Variants in ST14 observed in about 807,000 individuals in gnomAD.
ST14 encodes the protein ST14 transmembrane serine protease matriptase.
In ST14, 40 loss-of-function variants were observed where a neutral mutation model predicts 96.5. The ratio of observed to expected loss-of-function variants is 0.41; its 90% CI spans 0.32 to 0.54. The LOEUF is 0.54. Among genes scored for constraint, ST14 ranks in the 20% least tolerant of loss-of-function variants. ST14 has a pLI of 0.17. For missense variants in ST14, 1,066 were observed against 1,188.9 expected, an observed-to-expected ratio of 0.90 and a Z score of 1.52; for synonymous variants, 506 against 492.1, an observed-to-expected ratio of 1.03 and a Z score of -0.37.
chr11:130,203,778 G>A (rs936769467), intron 16 of ST14, among the ~76,000 whole-genome samples: 8 of 152,158 alleles, frequency 5.3e-5, no homozygotes, highest in East Asian at 1.9e-4. Context: ...TCACCCTCCC[G>A]AGTAGCTGGA....
intron 16 of ST14, among the ~76,000 whole-genome samples, chr11:130,203,967 T>G (rs1302204706): frequency 6.6e-6 from 1 of 152,212 alleles, no homozygotes. Context: ...CTTTGTTCTC[T>G]TTAAACATGC....
intron 1 of ST14, among the ~76,000 whole-genome samples, chr11:130,163,206 C>T (rs552920853): frequency 1.1e-4 from 16 of 152,102 alleles, no homozygotes; most frequent in African/African-American, 3.9e-4. Context: ...GCCATCCTGC[C>T]CTGCCAAACA....
At chr11:130,170,862 T>G (rs1031907845) in intron 1 of ST14, among the ~76,000 whole-genome samples, 48 of 152,262 alleles carry the variant, frequency 3.2e-4, no homozygotes, top group African/African-American at 1.1e-3. Context: ...TCCTTTTTTT[T>G]TTGTTTTTGA....
rs114674519 is a variant in ST14 at position 130,180,988 on chromosome 11, C to A, written c.82-7126C>A. On this transcript the variant is annotated intron_variant, in intron 1 of 18. Transcript: ENST00000278742. Reference sequence around the variant, plus strand: ...TCTGGATCTGACCCTTCGCTCCCTGCAGAAAGTTGGGTGAGATGGCAATGG... The same window carrying A: ...TCTGGATCTGACCCTTCGCTCCCTGAAGAAAGTTGGGTGAGATGGCAATGG... 4.8e-3 allele frequency among the ~76,000 whole-genome samples: 738 copies of A among 152,302 alleles called. 8 individuals are homozygous for A. The highest frequency in any genetic ancestry group is 0.02 in the Middle Eastern group (6 of 294).
At chr11:130,193,085 G>A (rs189605363) in intron 7 of ST14, among the ~76,000 whole-genome samples, 13 of 149,122 alleles carry the variant, frequency 8.7e-5, no homozygotes, top group Admixed American at 6.2e-4. Context: ...TAAAAGCACC[G>A]AGAACCATGC....
At chr11:130,171,902 A>T (rs1244331444) in intron 1 of ST14, among the ~76,000 whole-genome samples, 2 of 152,200 alleles carry the variant, frequency 1.3e-5, no homozygotes, top group African/African-American at 4.8e-5. Context: ...TTAATGAACC[A>T]GTCCAGGGAG....
rs5852 is a variant in ST14, at chr11:130,210,170, G to A, written c.*347G>A. The A allele has an allele frequency of 0.53, 125,521 of 238,114 alleles. 34,879 individuals carry two copies. The highest frequency in any genetic ancestry group is 0.67 in the South Asian group (9,697 of 14,482). The allele number at this position is 238,114 out of a possible 1,614,324, so 14.8% of individuals were successfully genotyped here. On this transcript the variant is annotated 3_prime_UTR_variant, in exon 19 of 19. Transcript: ENST00000278742. The stretch of plus-strand genomic sequence containing the variant: ...AGGAGCAGCGGGAACGGAGCTTCGG[G>A]GCCTCCTCAGTGAAGGTGGTGGGGC...
rs1291311383 is a variant in ST14, at chr11:130,178,928, A to G, written c.82-9186A>G. ...GGAGTGTGTATTTCTGGGAAAAGTG[A>G]TAGCCTCAGGGACTTCTGGGATGAT... is the stretch of plus-strand genomic sequence containing the variant. On this transcript the variant is annotated intron_variant, in intron 1 of 18. Transcript: ENST00000278742. 2.0e-5 allele frequency among the ~76,000 whole-genome samples: 3 copies of G among 152,270 alleles called. No individual in the cohort carries two copies. The East Asian group carries it at 5.8e-4, about 29-fold the overall frequency.
rs369961893 is a variant in ST14 at position 130,194,578 on chromosome 11, C to T, written c.1016-62C>T. The T allele has an allele frequency of 1.6e-5, 25 of 1,555,114 alleles. 1 individual carries two copies. The highest frequency in any genetic ancestry group is 1.4e-4 in the African/African-American group (10 of 73,758). Reference sequence around the variant, plus strand: ...TCCAGGCCTCAGGCTGCAGAGCCCTCGTCCGCCTGCTCGGCCGGGCAGGTT... The same window carrying T: ...TCCAGGCCTCAGGCTGCAGAGCCCTTGTCCGCCTGCTCGGCCGGGCAGGTT... On this transcript the variant is annotated intron_variant, in intron 8 of 18. Transcript: ENST00000278742.
At chr11:130,194,870 G>A in intron 9 of ST14, 133 bp downstream of exon 9, 33 of 838,022 alleles carry the variant, frequency 3.9e-5, no homozygotes, top group Middle Eastern at 2.7e-4. Context: ...GTGTGTGTGT[G>A]TGTGTGCGTA....
Position 130,209,701 on chromosome 11 carries a change from G to A in ST14, c.2446G>A (p.Gly816Arg), listed in dbSNP as rs774558521. 1.9e-6 allele frequency: 3 copies of A among 1,613,816 alleles called. No individual in the cohort carries two copies. The highest frequency in any genetic ancestry group is 2.2e-5 in the South Asian group (2 of 91,086). The change falls in exon 19 of 19, where the codon GGG (glycine) becomes AGG (arginine). Residue 816 changes from glycine (G) to arginine (R), a missense_variant. Gly to Arg is a moderately radical substitution (Grantham distance 125, BLOSUM62 -2). Transcript: ENST00000278742. ...GGPLSSVEAD[G>R]RIFQAGVVSW... is the part of the protein sequence containing the mutation. ...ACCCCTGTCCAGCGTGGAGGCGGAT[G>A]GGCGGATCTTCCAGGCCGGTGTGGT...
intron 16 of ST14, among the ~76,000 whole-genome samples, chr11:130,206,406 C>T (rs986037078): frequency 2.6e-5 from 4 of 152,120 alleles, no homozygotes; most frequent in Non-Finnish European, 4.4e-5. Flanking sequence ...GTGAGTGTCT[C>T]GTTCTCCAGC....
chr11:130,200,724 T>G (rs1953418827), intron 16 of ST14, among the ~76,000 whole-genome samples: 1 of 152,208 alleles, frequency 6.6e-6, no homozygotes. Flanking sequence ...TGCAGCCAAG[T>G]GCTGTCTCTG....
At chr11:130,197,109 A>G (rs1031790065) in intron 11 of ST14, among the ~76,000 whole-genome samples, 7 of 152,224 alleles carry the variant, frequency 4.6e-5, no homozygotes, top group African/African-American at 1.7e-4. Flanking sequence ...CTGTATGAGC[A>G]GTGGTTTTTC....
chr11:130,195,899 G>A (rs1285837263), intron 9 of ST14, among the ~76,000 whole-genome samples: 1 of 148,836 alleles, frequency 6.7e-6, no homozygotes, highest in Non-Finnish European at 1.5e-5. Flanking sequence ...GCTCGTGCCT[G>A]TAATCCCAGC....
intron 16 of ST14, among the ~76,000 whole-genome samples, chr11:130,203,070 T>C (rs1261771448): frequency 6.6e-6 from 1 of 152,158 alleles, no homozygotes; most frequent in Admixed American, 6.5e-5. Flanking sequence ...CTGTCAGACT[T>C]ACCGATTGGC....
intron 1 of ST14, among the ~76,000 whole-genome samples, chr11:130,169,269 A>G (rs1368463982): frequency 3.3e-5 from 5 of 151,814 alleles, no homozygotes; most frequent in Admixed American, 3.3e-4. Context: ...TAATTTTTGT[A>G]TTTTTAGTAG....
At chr11:130,206,254 G>C (rs1339957389) in intron 16 of ST14, among the ~76,000 whole-genome samples, 1 of 152,172 alleles carries the variant, frequency 6.6e-6, no homozygotes, top group South Asian at 2.1e-4. Flanking sequence ...TACCCTACTC[G>C]GGGAGAGCAG....
rs1206820372 is a variant in ST14 at position 130,188,930 on chromosome 11, C to T, written c.431C>T (p.Thr144Met). The T allele has an allele frequency of 4.3e-6, 7 of 1,610,272 alleles. No homozygotes were observed. The South Asian group carries it at 4.4e-5, about 10-fold the overall frequency. Residue 144 changes from threonine to methionine, a missense_variant, in exon 4 of 19, where the codon ACG (threonine) becomes ATG (methionine). By Grantham distance (81) the Thr-to-Met change is moderately conservative (BLOSUM62 -1). Coordinates refer to ENST00000278742, the MANE Select transcript of ST14 (RefSeq NM_021978.4). The surrounding 1 kb of genome is among the most constrained non-coding windows in gnomAD (Gnocchi z 5.4). Reference protein sequence around the residue: ...LGPYHKESAVTAFSEGSVIAY... With the variant: ...LGPYHKESAVMAFSEGSVIAY... Reference sequence around the variant, plus strand: ...CCCTACCACAAGGAGTCGGCTGTGACGGCCTTCAGGTGGGTGTGGAGAGAA... The same window carrying T: ...CCCTACCACAAGGAGTCGGCTGTGATGGCCTTCAGGTGGGTGTGGAGAGAA...
Sources: allele counts gnomAD v4.1 joint callset (sites outside exome capture counted in the v4.1 genomes callset), GRCh38; gene constraint gnomAD v4.1.1; non-coding constraint Gnocchi (gnomAD v3.1); transcripts MANE v1.5; gene names NCBI Gene and HGNC (gene_info 2026-07-23, HGNC 2026-07-21).